The following SCAPER variants were observed in gnomAD, a reference collection of about 807,000 sequenced individuals.
The protein encoded by SCAPER is S-phase cyclin A associated protein in the ER, also known as S phase cyclin A-associated protein in the endoplasmic reticulum.
SCAPER carries 98 observed loss-of-function variants against 182.2 expected under a neutral mutation model. The ratio of observed to expected loss-of-function variants is 0.54; its 90% CI spans 0.46 to 0.64. SCAPER has a LOEUF of 0.64. Ranked by LOEUF, SCAPER falls within the 30% of genes least tolerant of loss-of-function variation. The pLI is 0.00. For synonymous variants in SCAPER, 605 were observed against 564.6 expected (o/e 1.07, Z -1.01); for missense variants, 1,432 against 1,690.0 (o/e 0.85, Z 2.68).
intron 1 of SCAPER, among the ~76,000 whole-genome samples, chr15:76,891,101 CT>C (rs2074139018): frequency 6.6e-6 from 1 of 152,140 alleles, no homozygotes; most frequent in Non-Finnish European, 1.5e-5. Flanking sequence ...CAGAAAAGGC[CT>C]TTGACAAAAT....
intron 8 of SCAPER, among the ~76,000 whole-genome samples, chr15:76,791,726 T>C (rs1289414644): frequency 6.6e-6 from 1 of 151,916 alleles, no homozygotes; most frequent in Non-Finnish European, 1.5e-5. Flanking sequence ...GAGAAGCTAA[T>C]GAGCTAAGCT....
At chr15:76,864,725 C>A (rs1020074496) in intron 2 of SCAPER, among the ~76,000 whole-genome samples, 3 of 151,846 alleles carry the variant, frequency 2.0e-5, no homozygotes, top group Non-Finnish European at 4.4e-5. Flanking sequence ...GCTTTGCAGG[C>A]CATAAGACCT....
intron 26 of SCAPER, among the ~76,000 whole-genome samples, chr15:76,432,932 C>T (rs2142522464): frequency 6.6e-6 from 1 of 152,330 alleles, no homozygotes; most frequent in Admixed American, 6.5e-5. Flanking sequence ...ATTACACTTA[C>T]AGGGCTGCAA....
At chr15:76,668,988 T>C (rs2056821102) in intron 20 of SCAPER, among the ~76,000 whole-genome samples, 2 of 152,160 alleles carry the variant, frequency 1.3e-5, no homozygotes, top group African/African-American at 4.8e-5. Context: ...ATTTTAACTA[T>C]GAGAAAACTT....
At chr15:76,771,596 C>T in intron 10 of SCAPER, 146 bp downstream of exon 10, 1 of 604,672 alleles carries the variant, frequency 1.7e-6, no homozygotes, top group Non-Finnish European at 2.7e-6. Flanking sequence ...AAAAGTTTAC[C>T]AAAATAATAA....
At chr15:76,722,785 A>G (rs2060333851) in intron 17 of SCAPER, among the ~76,000 whole-genome samples, 1 of 151,812 alleles carries the variant, frequency 6.6e-6, no homozygotes, top group East Asian at 1.9e-4. Flanking sequence ...CTCCTTTGTC[A>G]TTTTTTATTA....
At chr15:76,865,723 G>A (rs1046904720) in intron 2 of SCAPER, among the ~76,000 whole-genome samples, 12 of 152,056 alleles carry the variant, frequency 7.9e-5, no homozygotes. Context: ...CCAACTACCA[G>A]AAAAACAAAG....
intron 29 of SCAPER, among the ~76,000 whole-genome samples, chr15:76,361,953 G>C (rs1320757859): frequency 6.6e-6 from 1 of 152,064 alleles, no homozygotes; most frequent in Non-Finnish European, 1.5e-5. Context: ...TTGTAAAAGG[G>C]ACTGGAAAGT....
chr15:76,452,129 T>A (rs573180707), intron 25 of SCAPER, among the ~76,000 whole-genome samples: 95 of 152,326 alleles, frequency 6.2e-4, no homozygotes, highest in Admixed American at 1.3e-3. Flanking sequence ...TATGTACACA[T>A]GTGTATTGTA....
intron 4 of SCAPER, among the ~76,000 whole-genome samples, chr15:76,854,935 G>A (rs531372622): frequency 6.6e-6 from 1 of 150,876 alleles, no homozygotes; most frequent in East Asian, 1.9e-4. Context: ...TCACACCACT[G>A]CACTCCAGCC....
rs757259031 is a variant in SCAPER, at chr15:76,665,684, C to CT, written c.2613dup (p.Ala872SerfsTer13). 104 of 1,582,486 alleles carry CT rather than the reference C, an allele frequency of 6.6e-5. No homozygotes were observed. The highest frequency in any genetic ancestry group is 1.4e-4 in the Admixed American group (8 of 56,256). On this transcript the variant is annotated frameshift_variant, in exon 21 of 32. Coordinates refer to ENST00000563290, the MANE Select transcript of SCAPER (RefSeq NM_020843.4). LOFTEE classifies it high-confidence loss of function. ...TTCATCCGGGCTTTTATCTTTTTGGCTTTTTTTTTATTTTTTTGCCGCTCT... is the reference window on the plus strand; with the variant it reads ...TTCATCCGGGCTTTTATCTTTTTGGCTTTTTTTTTTATTTTTTTGCCGCTCT...
intron 5 of SCAPER, among the ~76,000 whole-genome samples, chr15:76,830,431 T>C (rs996896286): frequency 2.6e-5 from 4 of 152,170 alleles, no homozygotes; most frequent in African/African-American, 4.8e-5. Flanking sequence ...GGAGTCCTGT[T>C]AGAAGGCTTC....
intron 20 of SCAPER, among the ~76,000 whole-genome samples, chr15:76,685,110 A>G (rs1029894506): frequency 6.6e-6 from 1 of 152,038 alleles, no homozygotes; most frequent in African/African-American, 2.4e-5. Flanking sequence ...ATGTCACTAT[A>G]CTAAAAGATT....
intron 25 of SCAPER, among the ~76,000 whole-genome samples, chr15:76,436,308 T>C (rs571154480): frequency 6.6e-6 from 1 of 152,326 alleles, no homozygotes; most frequent in East Asian, 1.9e-4. Flanking sequence ...CTTCAGGTGA[T>C]CTGTCCACCT....
chr15:76,418,024 A>C (rs962689674), intron 26 of SCAPER, among the ~76,000 whole-genome samples: 5 of 152,178 alleles, frequency 3.3e-5, no homozygotes, highest in African/African-American at 9.7e-5. Flanking sequence ...CTCAAAAAAA[A>C]AAATTTTTTT....
intron 21 of SCAPER, among the ~76,000 whole-genome samples, chr15:76,645,644 T>G (rs1297914429): frequency 2.6e-5 from 4 of 152,082 alleles, no homozygotes; most frequent in African/African-American, 9.7e-5. Context: ...AACCTAATAC[T>G]TATTTGTACC....
At chr15:76,437,603 C>A (rs763744924) in intron 25 of SCAPER, among the ~76,000 whole-genome samples, 1 of 152,172 alleles carries the variant, frequency 6.6e-6, no homozygotes, top group African/African-American at 2.4e-5. Flanking sequence ...GTTCTTCATT[C>A]ATCACAAATT....
intron 16 of SCAPER, among the ~76,000 whole-genome samples, chr15:76,731,343 G>A (rs2060911040): frequency 6.6e-6 from 1 of 152,072 alleles, no homozygotes; most frequent in Admixed American, 6.5e-5. Context: ...AGGACAAAAG[G>A]ACAAAGCAGG....
In SCAPER at chr15:76,724,349, G is replaced by T. The variant is rs1598383198; in HGVS notation, c.2165+4246C>A. On this transcript the variant is annotated intron_variant, in intron 17 of 31. Transcript: ENST00000563290. Reference sequence around the variant, plus strand: ...GCTAACCCAACCTTTCTCTCTGGCTGCCCTTAACATTTTTTCCTTCATTTC... The same window carrying T: ...GCTAACCCAACCTTTCTCTCTGGCTTCCCTTAACATTTTTTCCTTCATTTC... Among the ~76,000 whole-genome samples the T allele has an allele frequency of 7.2e-5, 11 of 152,254 alleles. No homozygotes were observed. The South Asian group carries it at 2.1e-3, about 29-fold the overall frequency.
Sources: allele counts gnomAD v4.1 joint callset (sites outside exome capture counted in the v4.1 genomes callset), GRCh38; gene constraint gnomAD v4.1.1; transcripts MANE v1.5; gene names NCBI Gene and HGNC (gene_info 2026-07-23, HGNC 2026-07-21).